TCF19: variants seen among roughly 807,000 people sequenced by gnomAD.
TCF19 encodes the protein transcription factor 19, also known as transcription factor SC1.
TCF19 carries 9 observed loss-of-function variants against 18.3 expected under a neutral mutation model. The observed-to-expected ratio is 0.49, with a 90% CI of 0.30 to 0.86. The LOEUF is 0.86. TCF19 is among the 40% of genes least tolerant of loss of function. The probability of loss-of-function intolerance (pLI) is 0.07; values close to 1 mark genes in which losing one functional copy is unlikely to be tolerated. For missense variants in TCF19, 376 were observed against 464.3 expected (o/e 0.81, Z 1.75); for synonymous variants, 176 against 185.3 (o/e 0.95, Z 0.41).
chr6:31,162,874 G>A lies in TCF19; in HGVS notation c.*157G>A, dbSNP rs1408126514. The A allele has an allele frequency of 7.0e-7, 1 of 1,429,920 alleles. No homozygotes were observed. The highest frequency in any genetic ancestry group is 1.4e-5 in the African/African-American group (1 of 69,624). The allele number at this position is 1,429,920 out of a possible 1,614,324, so 88.6% of individuals were successfully genotyped here. On this transcript the variant is annotated 3_prime_UTR_variant, in exon 4 of 4. Transcript: ENST00000376257. This position sits in a 1 kb window ranked among gnomAD's most constrained non-coding sequence, Gnocchi z 4.5. ...GATGTGGACTCATTCAGGGCCTGGA[G>A]CAGACCCTGGTGGCCAAGACAGAAG...
chr6:31,164,001 C>T lies in TCF19; in HGVS notation c.*1284C>T. 7 of 990,534 alleles carry T rather than the reference C, an allele frequency of 7.1e-6. No individual in the cohort carries two copies. In the South Asian group the frequency reaches 1.4e-4, roughly 20 times the overall value. The allele number at this position is 990,534 out of a possible 1,614,324, so 61.4% of individuals were successfully genotyped here. On this transcript the variant is annotated 3_prime_UTR_variant, in exon 4 of 4. Transcript: ENST00000376257. ...AAGCACAAAGTATTAATAGAAGTTTCTGGTTGGGGTGATCTAGGTTCAACA... is the reference window on the plus strand; with the variant it reads ...AAGCACAAAGTATTAATAGAAGTTTTTGGTTGGGGTGATCTAGGTTCAACA...
rs1776480240 is a variant in TCF19 at position 31,158,635 on chromosome 6, C to T, written c.-661C>T. On this transcript the variant is annotated 5_prime_UTR_variant, in exon 1 of 4. Coordinates refer to ENST00000376257, the MANE Select transcript of TCF19 (RefSeq NM_007109.3). ...TCAAACAGATGCAGCAACGTCGGCT[C>T]CTGCCGAGGAGCCCAAGGGGTCCCG... 6.6e-6 allele frequency: 1 copy of T among 152,224 alleles called. No homozygotes were observed. Among genetic ancestry groups the T allele is most frequent in the Non-Finnish European group, 1.5e-5 (1 of 68,046 alleles). 9.4% of individuals were successfully genotyped at this position (152,224 alleles called of 1,614,324 possible). A position where few individuals can be genotyped will look rare whatever the true frequency, so the allele number is the denominator to read the frequency against.
At position 31,163,920 on chromosome 6, in the gene TCF19, A is replaced by G; in HGVS notation, c.*1203A>G. The G allele has an allele frequency of 1.0e-6, 1 of 985,892 alleles. No homozygotes were observed. The highest frequency in any genetic ancestry group is 1.2e-6 in the Non-Finnish European group (1 of 830,280). The allele number at this position is 985,892 out of a possible 1,614,324, so 61.1% of individuals were successfully genotyped here. On this transcript the variant is annotated 3_prime_UTR_variant, in exon 4 of 4. Transcript: ENST00000376257. The stretch of plus-strand genomic sequence containing the variant: ...AACTTGAGTAACTAATGAGTCACTT[A>G]TGGGCAGAGTATGCAAAAACCTTAA...
Position 31,159,149 on chromosome 6 carries a change from G to A in TCF19, c.-321G>A, listed in dbSNP as rs538211586. On this transcript the variant is annotated 5_prime_UTR_variant, in exon 2 of 4. Coordinates refer to ENST00000376257, the MANE Select transcript of TCF19 (RefSeq NM_007109.3). The stretch of plus-strand genomic sequence containing the variant: ...AAGTATCCTTGCCTTGCAGATTGGA[G>A]GCTCCCCAAATATTTTGCGATCTGA... 9 of 391,130 alleles carry A rather than the reference G, an allele frequency of 2.3e-5. No individual in the cohort carries two copies. Among genetic ancestry groups the A allele is most frequent in the African/African-American group, 1.8e-4 (9 of 48,968 alleles). 24.2% of individuals were successfully genotyped at this position (391,130 alleles called of 1,614,324 possible). A position where few individuals can be genotyped will look rare whatever the true frequency, so the allele number is the denominator to read the frequency against.
Position 31,161,852 on chromosome 6 carries a change from C to G in TCF19, c.644C>G (p.Pro215Arg). The G allele has an allele frequency of 6.2e-7, 1 of 1,613,066 alleles. No homozygotes were observed. The highest frequency in any genetic ancestry group is 8.5e-7 in the Non-Finnish European group (1 of 1,180,000). Residue 215 changes from proline (P) to arginine (R), a missense_variant, in exon 3 of 4, where the codon CCT (proline) becomes CGT (arginine). Pro to Arg is a moderately radical substitution (Grantham distance 103). Transcript: ENST00000376257. Reference protein sequence around the residue: ...PAPPGEMGTTPSAPPQRNRRK... With the variant: ...PAPPGEMGTTRSAPPQRNRRK... ...CCACCTGGGGAAATGGGGACCACGC[C>G]TTCTGCTCCACCACAACGCAATCGG...
Position 31,162,199 on chromosome 6 carries a change from A to G in TCF19, c.797+194A>G, listed in dbSNP as rs977526723. ...GAGAACATGAGAGGTGGGGTGGGGC[A>G]GTGCTTATAAAACAACCGGAGTGAG... is the stretch of plus-strand genomic sequence containing the variant. On this transcript the variant is annotated intron_variant, in intron 3 of 3. Transcript: ENST00000376257. This position sits in a 1 kb window ranked among gnomAD's most constrained non-coding sequence, Gnocchi z 4.5. 6.6e-6 allele frequency among the ~76,000 whole-genome samples: 1 copy of G among 152,218 alleles called. No homozygotes were observed. The highest frequency in any genetic ancestry group is 1.5e-5 in the Non-Finnish European group (1 of 68,028).
rs1776840471 is a variant in TCF19, at chr6:31,162,352, C to A, written c.798-125C>A. The A allele has an allele frequency of 2.2e-6, 3 of 1,375,616 alleles. No individual in the cohort carries two copies. Among genetic ancestry groups the A allele is most frequent in the African/African-American group, 2.9e-5 (2 of 68,570 alleles). The allele number at this position is 1,375,616 out of a possible 1,614,324, so 85.2% of individuals were successfully genotyped here. A position where few individuals can be genotyped will look rare whatever the true frequency, so the allele number is the denominator to read the frequency against. On this transcript the variant is annotated intron_variant, in intron 3 of 3. Coordinates refer to ENST00000376257, the MANE Select transcript of TCF19 (RefSeq NM_007109.3). This position sits in a 1 kb window ranked among gnomAD's most constrained non-coding sequence, Gnocchi z 4.5. ...TGTGTTTTTAAGGACAGAGTCCAGG[C>A]TCACCTTAGTTCTCAGACCACTGTG... is the stretch of plus-strand genomic sequence containing the variant.
Position 31,163,378 on chromosome 6 carries a change from G to T in TCF19, c.*661G>T. 1.0e-6 allele frequency: 1 copy of T among 985,646 alleles called. No homozygotes were observed. The highest frequency in any genetic ancestry group is 1.2e-6 in the Non-Finnish European group (1 of 830,124). 61.1% of individuals were successfully genotyped at this position (985,646 alleles called of 1,614,324 possible). A position where few individuals can be genotyped will look rare whatever the true frequency, so the allele number is the denominator to read the frequency against. On this transcript the variant is annotated 3_prime_UTR_variant, in exon 4 of 4. Coordinates refer to ENST00000376257, the MANE Select transcript of TCF19 (RefSeq NM_007109.3). ...GAAATACAAACCTGCTTACTGGAAA[G>T]GTGCAAATATATGGGTTGAGCTGGA...
chr6:31,159,421 G>A lies in TCF19; in HGVS notation c.-49G>A. 6.8e-7 allele frequency: 1 copy of A among 1,468,826 alleles called. No individual in the cohort carries two copies. Among genetic ancestry groups the A allele is most frequent in the Non-Finnish European group, 9.1e-7 (1 of 1,094,102 alleles). 91.0% of individuals were successfully genotyped at this position (1,468,826 alleles called of 1,614,324 possible). The stretch of plus-strand genomic sequence containing the variant: ...CGGTGCGTGGCCCAGGAGTGGGAAA[G>A]GAAATGGATGCCTGAAGTGGAAGAG... On this transcript the variant is annotated 5_prime_UTR_variant, in exon 2 of 4. Coordinates refer to ENST00000376257, the MANE Select transcript of TCF19 (RefSeq NM_007109.3).
intron 2 of TCF19, among the ~76,000 whole-genome samples, chr6:31,161,089 GAGTGCAGTGAGCTGAGA>G (rs1389659866): frequency 0.14 from 20,128 of 148,548 alleles, 1,481 homozygotes; most frequent in East Asian, 0.28. Context: ...CTGGGAGGCG[GAGTGCAGTGAGCTGAGA>G]TTGCACTACT....
In TCF19 at chr6:31,162,793, A is replaced by AC. The variant is rs1303050087; in HGVS notation, c.*82dup. 8 of 1,539,408 alleles carry AC rather than the reference A, an allele frequency of 5.2e-6. No homozygotes were observed. In the African/African-American group the frequency reaches 6.8e-5, roughly 13 times the overall value. ...CAGCGAGCAAATAGGTCTGATAAATACCCCCCTTCCCTTCCCTCCCCAGGA... is the reference window on the plus strand; with the variant it reads ...CAGCGAGCAAATAGGTCTGATAAATACCCCCCCTTCCCTTCCCTCCCCAGGA... On this transcript the variant is annotated 3_prime_UTR_variant, in exon 4 of 4. Coordinates refer to ENST00000376257, the MANE Select transcript of TCF19 (RefSeq NM_007109.3). This position sits in a 1 kb window ranked among gnomAD's most constrained non-coding sequence, Gnocchi z 4.5.
In TCF19 at chr6:31,161,447, G is replaced by A. The variant is rs1467711886; in HGVS notation, c.239G>A (p.Gly80Asp). ...TTGCCTGGTGCCCCACCATCAACAGGTACTTTGGTCAATAATGTCCGACTC... is the reference window on the plus strand; with the variant it reads ...TTGCCTGGTGCCCCACCATCAACAGATACTTTGGTCAATAATGTCCGACTC... ...RVSLEDHSSQ[G>D]TLVNNVRLPR... The change falls in exon 3 of 4, where the codon GGT becomes GAT. Residue 80 changes from glycine (G) to aspartate (D), a missense_variant and splice_region_variant. Coordinates refer to ENST00000376257, the MANE Select transcript of TCF19 (RefSeq NM_007109.3). The A allele has an allele frequency of 2.2e-6, 3 of 1,387,336 alleles. No individual in the cohort carries two copies. The highest frequency in any genetic ancestry group is 2.8e-6 in the Non-Finnish European group (3 of 1,063,258). 85.9% of individuals were successfully genotyped at this position (1,387,336 alleles called of 1,614,324 possible).
intron 2 of TCF19, 110 bp downstream of exon 2, chr6:31,159,817 G>T: frequency 1.7e-6 from 2 of 1,146,596 alleles, no homozygotes; most frequent in Non-Finnish European, 2.5e-6. Flanking sequence ...CCATCAGATT[G>T]GATGGATGGT....
At chr6:31,161,184 A>G (rs1233476723) in intron 2 of TCF19, among the ~76,000 whole-genome samples, 5 of 149,498 alleles carry the variant, frequency 3.3e-5, no homozygotes, top group African/African-American at 1.2e-4. Flanking sequence ...AAAGAAAAAA[A>G]AAGAAGAAAG....
rs772227079 is a variant in TCF19, at chr6:31,161,712, T to C, written c.504T>C (p.Pro168=). 5 of 1,547,520 alleles carry C rather than the reference T, an allele frequency of 3.2e-6. No homozygotes were observed. The highest frequency in any genetic ancestry group is 4.4e-6 in the Non-Finnish European group (5 of 1,146,322). The change falls in exon 3 of 4, where the codon CCT becomes CCC. Residue 168 remains proline (P), a synonymous_variant. Transcript: ENST00000376257. ...APQRPLSTFS[P]APKATLILNS... is the part of the protein sequence containing the mutation. ...AGCGGCCTCTCAGCACCTTCTCCCC[T>C]GCCCCCAAGGCCACACTGATCCTAA... is the stretch of plus-strand genomic sequence containing the variant.
In TCF19 at chr6:31,163,737, T is replaced by C; in HGVS notation, c.*1020T>C. On this transcript the variant is annotated 3_prime_UTR_variant, in exon 4 of 4. Coordinates refer to ENST00000376257, the MANE Select transcript of TCF19 (RefSeq NM_007109.3). ...ACCAAGCCAAACTATTGTCAAAGCA[T>C]CATTTCTATAGAAATAAAGCCTTAT... 1 of 985,488 alleles carries C rather than the reference T, an allele frequency of 1.0e-6. No individual in the cohort carries two copies. The highest frequency in any genetic ancestry group is 1.2e-6 in the Non-Finnish European group (1 of 829,968). 61.0% of individuals were successfully genotyped at this position (985,488 alleles called of 1,614,324 possible).
rs1776482291 is a variant in TCF19, at chr6:31,158,650, A to C, written c.-646A>C. ...AACGTCGGCTCCTGCCGAGGAGCCCAAGGGGTCCCGGGATCCGCCGCACAG... is the reference window on the plus strand; with the variant it reads ...AACGTCGGCTCCTGCCGAGGAGCCCCAGGGGTCCCGGGATCCGCCGCACAG... On this transcript the variant is annotated 5_prime_UTR_variant, in exon 1 of 4. Transcript: ENST00000376257. 6.6e-6 allele frequency: 1 copy of C among 152,210 alleles called. No homozygotes were observed. The highest frequency in any genetic ancestry group is 2.4e-5 in the African/African-American group (1 of 41,452). The allele number at this position is 152,210 out of a possible 1,614,324, so 9.4% of individuals were successfully genotyped here.
In TCF19 at chr6:31,162,675, C is replaced by T. The variant is rs558700502; in HGVS notation, c.996C>T (p.Ala332=). The T allele has an allele frequency of 2.1e-5, 34 of 1,612,492 alleles. No individual in the cohort carries two copies. The highest frequency in any genetic ancestry group is 4.0e-5 in the African/African-American group (3 of 75,024). The change falls in exon 4 of 4, where the codon GCC becomes GCT. Residue 332 remains alanine, a synonymous_variant. Coordinates refer to ENST00000376257, the MANE Select transcript of TCF19 (RefSeq NM_007109.3). This position sits in a 1 kb window ranked among gnomAD's most constrained non-coding sequence, Gnocchi z 4.5. ...GCAGCATCCAGGCTGCCAGGGAGGC[C>T]GACTTCCGATGCCCAGGGTGCCGGG... ...VGCSIQAARE[A]DFRCPGCRAG...
In TCF19 at chr6:31,163,308, A is replaced by T; in HGVS notation, c.*591A>T. On this transcript the variant is annotated 3_prime_UTR_variant, in exon 4 of 4. Coordinates refer to ENST00000376257, the MANE Select transcript of TCF19 (RefSeq NM_007109.3). ...CTTTCCAGGGAGAATGTGCTTGGCA[A>T]GGTCTGGAGAACTAATTCAGAATCT... 1 of 986,700 alleles carries T rather than the reference A, an allele frequency of 1.0e-6. No individual in the cohort carries two copies. The highest frequency in any genetic ancestry group is 5.2e-4 in the Middle Eastern group (1 of 1,914). 61.1% of individuals were successfully genotyped at this position (986,700 alleles called of 1,614,324 possible).
Sources: gnomAD v4.1 joint callset for allele counts (sites outside exome capture counted in the v4.1 genomes callset) on GRCh38, gnomAD v4.1.1 for gene constraint, Gnocchi (gnomAD v3.1) non-coding constraint, MANE v1.5 for transcripts, NCBI Gene and HGNC (gene_info 2026-07-23, HGNC 2026-07-21) for gene names.